Variants in ZNF536 observed in about 807,000 individuals in gnomAD.
ZNF536 encodes zinc finger protein 536.
A neutral mutation model predicts 84.5 loss-of-function variants in ZNF536; 13 were observed. That is an observed-to-expected ratio of 0.15 (90% CI 0.10 to 0.24). The LOEUF (loss-of-function observed/expected upper bound fraction) is 0.24, where lower values mean the gene tolerates loss of function less well. ZNF536 is among the 10% of genes least tolerant of loss of function. The probability of loss-of-function intolerance (pLI) is 1.00; values close to 1 mark genes in which losing one functional copy is unlikely to be tolerated. For missense variants in ZNF536, 1,536 were observed against 1,747.5 expected (o/e 0.88, Z 2.16); for synonymous variants, 811 against 742.5 (o/e 1.09, Z -1.50).
upstream of ZNF536, among the ~76,000 whole-genome samples, chr19:30,370,094 G>A (rs1274951260): frequency 6.6e-6 from 1 of 152,172 alleles, no homozygotes; most frequent in Non-Finnish European, 1.5e-5. Context: ...CCTTAGAGAA[G>A]GCAGACACTT....
intron 1 of ZNF536, among the ~76,000 whole-genome samples, chr19:30,436,248 T>C (rs975588152): frequency 1.3e-5 from 2 of 152,188 alleles, no homozygotes; most frequent in African/African-American, 4.8e-5. Flanking sequence ...GATTTGAATG[T>C]GGTATTTTTG....
chr19:30,297,526 C>T (rs541395545), intron 2 of ZNF536, among the ~76,000 whole-genome samples: 11 of 152,262 alleles, frequency 7.2e-5, no homozygotes, highest in Middle Eastern at 3.4e-3. Flanking sequence ...AATTTCTTTC[C>T]CCAGCAGAGA....
At position 30,381,762 on chromosome 19, in the gene ZNF536, A is replaced by G. The variant is rs184769895; in HGVS notation, c.-3+9206A>G. 3.7e-3 allele frequency among the ~76,000 whole-genome samples: 562 copies of G among 152,214 alleles called. 8 individuals are homozygous for G. Among genetic ancestry groups the G allele is most frequent in the African/African-American group, 0.013 (536 of 41,542 alleles). On this transcript the variant is annotated intron_variant, in intron 1 of 4. Transcript: ENST00000355537. ...AACGTTGTAAACAGGCTTTCTTTCC[A>G]TGGCAGGGGACAGTGCAAGGGACAG...
chr19:30,643,248 G>A (rs955368698), intron 1 of ZNF536, among the ~76,000 whole-genome samples: 1 of 152,112 alleles, frequency 6.6e-6, no homozygotes, highest in Middle Eastern at 3.2e-3. Context: ...GTGCTAAAAT[G>A]TCACTGAACT....
At chr19:30,586,143 T>G (rs935459541) in intron 1 of ZNF536, among the ~76,000 whole-genome samples, 19 of 152,188 alleles carry the variant, frequency 1.2e-4, no homozygotes, top group African/African-American at 4.6e-4. Flanking sequence ...AAGACTGAGT[T>G]TTATCATCCG....
At chr19:30,632,047 T>A (rs1260164374) in intron 1 of ZNF536, among the ~76,000 whole-genome samples, 1 of 152,158 alleles carries the variant, frequency 6.6e-6, no homozygotes, top group Admixed American at 6.5e-5. Flanking sequence ...GGCGTTACAT[T>A]TAGCGTTCTT....
rs758742503 is a variant in ZNF536, at chr19:30,531,959, G to T, written c.2171-2888G>T. Among the ~76,000 whole-genome samples, 17 of 151,824 alleles carry T rather than the reference G, an allele frequency of 1.1e-4. 1 individual carries two copies. In the South Asian group the frequency reaches 1.3e-3, roughly 11 times the overall value. On this transcript the variant is annotated intron_variant, in intron 2 of 4. Coordinates refer to ENST00000355537, the MANE Select transcript of ZNF536 (RefSeq NM_014717.3). ...TATTGTCCCCACCTCTGTGTCCATG[G>T]TACCCAATGCTTAGTTCCCCCTTAT...
chr19:30,511,644 C>A (rs1032059389), intron 2 of ZNF536, among the ~76,000 whole-genome samples: 1 of 152,136 alleles, frequency 6.6e-6, no homozygotes, highest in South Asian at 2.1e-4. Flanking sequence ...AACTCACCCC[C>A]ACAGCAGACA....
chr19:30,242,892 C>T (rs1293250281), intron 1 of ZNF536, among the ~76,000 whole-genome samples: 3 of 152,096 alleles, frequency 2.0e-5, no homozygotes, highest in Non-Finnish European at 4.4e-5. Context: ...TGTTTGGATA[C>T]TGAACTTTTT....
At chr19:30,286,652 AACT>A (rs1314183159) in intron 2 of ZNF536, among the ~76,000 whole-genome samples, 2 of 152,190 alleles carry the variant, frequency 1.3e-5, no homozygotes, top group Admixed American at 6.5e-5. Context: ...TTGGAACAAA[AACT>A]ACTGCTGCAA....
chr19:30,232,629 T>C (rs1232689337), intron 1 of ZNF536, among the ~76,000 whole-genome samples: 1 of 151,860 alleles, frequency 6.6e-6, no homozygotes, highest in South Asian at 2.1e-4. Context: ...ACAGTGGAGT[T>C]TTTGCTACTA....
intron 1 of ZNF536, among the ~76,000 whole-genome samples, chr19:30,275,275 G>C (rs2026065503): frequency 6.6e-6 from 1 of 152,150 alleles, no homozygotes; most frequent in South Asian, 2.1e-4. Flanking sequence ...GAAAATGCCT[G>C]CATCTAGTTT....
intron 2 of ZNF536, among the ~76,000 whole-genome samples, chr19:30,306,179 C>T (rs1273844803): frequency 6.7e-6 from 1 of 148,642 alleles, no homozygotes; most frequent in Non-Finnish European, 1.5e-5. Flanking sequence ...TGTGTGCATT[C>T]CCTGGAGAGA....
At chr19:30,260,116 T>C (rs557422462) in intron 1 of ZNF536, among the ~76,000 whole-genome samples, 4 of 152,284 alleles carry the variant, frequency 2.6e-5, no homozygotes, top group African/African-American at 9.6e-5. Context: ...TTGGGGTTTT[T>C]CACAAGTTTA....
chr19:30,305,256 C>T (rs1444756159), intron 2 of ZNF536, among the ~76,000 whole-genome samples: 4 of 152,106 alleles, frequency 2.6e-5, no homozygotes, highest in Admixed American at 1.3e-4. Context: ...TGAGCTTGTG[C>T]AGGGGCAAGA....
chr19:30,608,790 A>G (rs1467418171), intron 1 of ZNF536, among the ~76,000 whole-genome samples: 1 of 152,156 alleles, frequency 6.6e-6, no homozygotes, highest in Non-Finnish European at 1.5e-5. Flanking sequence ...CTTGCTAAGG[A>G]AGATATAGGA....
intron 1 of ZNF536, among the ~76,000 whole-genome samples, chr19:30,700,252 CTCTT>C (rs1188815793): frequency 3.5e-4 from 37 of 105,220 alleles, no homozygotes; most frequent in African/African-American, 5.7e-4. Context: ...CTCTCTCTCT[CTCTT>C]TCTTTCTTTC....
At chr19:30,272,791 C>T (rs1156792518) in intron 1 of ZNF536, among the ~76,000 whole-genome samples, 3 of 152,162 alleles carry the variant, frequency 2.0e-5, no homozygotes, top group Admixed American at 6.5e-5. Context: ...TATGGATGTA[C>T]CACAATCGAG....
At chr19:30,362,746 A>G (rs1466993949) in intron 3 of ZNF536, among the ~76,000 whole-genome samples, 1 of 151,992 alleles carries the variant, frequency 6.6e-6, no homozygotes, top group African/African-American at 2.4e-5. Context: ...TGGGCTTACC[A>G]TTGGTTCTTG....
Sources: gnomAD v4.1 joint callset for allele counts (sites outside exome capture counted in the v4.1 genomes callset) on GRCh38, gnomAD v4.1.1 for gene constraint, MANE v1.5 for transcripts, NCBI Gene and HGNC (gene_info 2026-07-23, HGNC 2026-07-21) for gene names.